RALGPS1: variants seen among roughly 807,000 people sequenced by gnomAD.
RALGPS1 encodes ras-specific guanine nucleotide-releasing factor RalGPS1.
RALGPS1 carries 19 observed loss-of-function variants against 78.8 expected under a neutral mutation model. The ratio of observed to expected loss-of-function variants is 0.24; its 90% confidence interval spans 0.17 to 0.35. The LOEUF is 0.35. Ranked by LOEUF, RALGPS1 falls within the 10% of genes least tolerant of loss-of-function variation. The pLI is 1.00. For synonymous variants in RALGPS1, 228 were observed against 256.3 expected (o/e 0.89, Z 1.06); for missense variants, 454 against 688.3 (o/e 0.66, Z 3.81).
At chr9:127,062,381 A>C (rs996703726) in intron 7 of RALGPS1, among the ~76,000 whole-genome samples, 3 of 152,228 alleles carry the variant, frequency 2.0e-5, no homozygotes, top group African/African-American at 4.8e-5. Context: ...TAGAGGTGTG[A>C]GCTGCCGCGC....
At chr9:127,090,133 T>C (rs1014240848) in intron 8 of RALGPS1, among the ~76,000 whole-genome samples, 1 of 152,194 alleles carries the variant, frequency 6.6e-6, no homozygotes, top group African/African-American at 2.4e-5. Flanking sequence ...GTGGCAGTGT[T>C]GGACTGGTAT....
chr9:126,998,782 C>T (rs531803439), intron 4 of RALGPS1, among the ~76,000 whole-genome samples: 276 of 151,782 alleles, frequency 1.8e-3, no homozygotes, highest in African/African-American at 6.1e-3. Flanking sequence ...TGTCCAACAA[C>T]GATAGACTGG....
At chr9:127,161,951 A>G (rs1410431037) in intron 8 of RALGPS1, among the ~76,000 whole-genome samples, 1 of 152,224 alleles carries the variant, frequency 6.6e-6, no homozygotes, top group Non-Finnish European at 1.5e-5. Context: ...TTTTCTTATG[A>G]ATCGATAATC....
intron 1 of RALGPS1, among the ~76,000 whole-genome samples, chr9:126,947,510 T>C (rs2037392300): frequency 6.6e-6 from 1 of 152,232 alleles, no homozygotes; most frequent in African/African-American, 2.4e-5. Flanking sequence ...GAAACACTTC[T>C]GGTCCCAAGC....
intron 4 of RALGPS1, chr9:126,990,244 G>A: frequency 4.0e-6 from 2 of 505,852 alleles, no homozygotes; most frequent in Non-Finnish European, 7.0e-6. Context: ...AGTTTTCTCA[G>A]ACCATCTCTC....
chr9:127,161,748 G>A (rs748725654), intron 8 of RALGPS1, among the ~76,000 whole-genome samples: 5 of 152,202 alleles, frequency 3.3e-5, no homozygotes, highest in Admixed American at 6.5e-5. Flanking sequence ...TGCCTCACTG[G>A]CTGCCATACA....
intron 8 of RALGPS1, among the ~76,000 whole-genome samples, chr9:127,133,058 C>T (rs139926035): frequency 2.0e-5 from 3 of 152,346 alleles, no homozygotes; most frequent in Non-Finnish European, 2.9e-5. Flanking sequence ...ATAGAGTTCT[C>T]GTGACCATTG....
At chr9:126,932,564 CAGTT>C (rs749552410) in intron 1 of RALGPS1, among the ~76,000 whole-genome samples, 6 of 152,068 alleles carry the variant, frequency 3.9e-5, no homozygotes, top group African/African-American at 1.2e-4. Context: ...ATACTGTAGT[CAGTT>C]AGAGTTAATG....
In RALGPS1 at chr9:126,914,812, C is replaced by T. The variant is rs1299899649; in HGVS notation, c.-229C>T. The T allele has an allele frequency of 2.0e-5, 3 of 152,254 alleles. No homozygotes were observed. 9.4% of individuals were successfully genotyped at this position (152,254 alleles called of 1,614,324 possible). A position where few individuals can be genotyped will look rare whatever the true frequency, so the allele number is the denominator to read the frequency against. Reference sequence around the variant, plus strand: ...CTGGAGCGGACGGTTCCTACTGCGGCTGGGCACCGGCTCCGCTCCCGCGTC... The same window carrying T: ...CTGGAGCGGACGGTTCCTACTGCGGTTGGGCACCGGCTCCGCTCCCGCGTC... On this transcript the variant is annotated 5_prime_UTR_variant, in exon 1 of 19. Coordinates refer to ENST00000259351, the MANE Select transcript of RALGPS1 (RefSeq NM_014636.3).
At chr9:126,945,790 T>C (rs1398421633) in intron 1 of RALGPS1, among the ~76,000 whole-genome samples, 1 of 152,226 alleles carries the variant, frequency 6.6e-6, no homozygotes, top group African/African-American at 2.4e-5. Flanking sequence ...CTGAATTCTT[T>C]CTGCAGTTCC....
At chr9:127,136,889 C>T (rs1429404161) in intron 8 of RALGPS1, among the ~76,000 whole-genome samples, 4 of 152,196 alleles carry the variant, frequency 2.6e-5, no homozygotes, top group East Asian at 1.9e-4. Flanking sequence ...TCTAGATTCT[C>T]ATCACCCCAG....
At chr9:127,099,877 T>G (rs2053546862) in intron 8 of RALGPS1, among the ~76,000 whole-genome samples, 1 of 152,236 alleles carries the variant, frequency 6.6e-6, no homozygotes, top group Non-Finnish European at 1.5e-5. Flanking sequence ...TCAGGCCGCT[T>G]TAGCCCTCAA....
chr9:127,087,669 A>G (rs1459432517), intron 8 of RALGPS1: 7 of 152,300 alleles, frequency 4.6e-5, no homozygotes, highest in Non-Finnish European at 7.3e-5. Flanking sequence ...GCAGTGCATC[A>G]ACCAAGGGGT....
At chr9:127,087,304 G>T (rs1451931637) in intron 8 of RALGPS1, 1 of 152,482 alleles carries the variant, frequency 6.6e-6, no homozygotes, top group African/African-American at 2.4e-5. Flanking sequence ...GAGGCCCCAG[G>T]AAGGCATTCT....
At chr9:127,161,541 G>A (rs2059019614) in intron 8 of RALGPS1, among the ~76,000 whole-genome samples, 1 of 152,214 alleles carries the variant, frequency 6.6e-6, no homozygotes, top group Non-Finnish European at 1.5e-5. Context: ...CCGCAGGACT[G>A]GGTGGGACAC....
At chr9:126,948,132 G>A (rs1197893293) in intron 1 of RALGPS1, among the ~76,000 whole-genome samples, 5 of 152,194 alleles carry the variant, frequency 3.3e-5, no homozygotes, top group African/African-American at 1.2e-4. Context: ...GGACTAGGTA[G>A]GGGCTTTGGG....
At chr9:127,125,297 C>T (rs182506359) in intron 8 of RALGPS1, among the ~76,000 whole-genome samples, 136 of 152,288 alleles carry the variant, frequency 8.9e-4, no homozygotes, top group Admixed American at 1.8e-3. Context: ...TGTGTGCGGG[C>T]CATGTAGCGC....
chr9:127,116,813 A>T (rs771293840), intron 8 of RALGPS1, among the ~76,000 whole-genome samples: 1 of 152,176 alleles, frequency 6.6e-6, no homozygotes, highest in Non-Finnish European at 1.5e-5. Flanking sequence ...AGGGGCTATG[A>T]CTATCCTCAT....
intron 8 of RALGPS1, among the ~76,000 whole-genome samples, chr9:127,139,518 C>T (rs777489643): frequency 6.6e-6 from 1 of 152,234 alleles, no homozygotes; most frequent in Non-Finnish European, 1.5e-5. Flanking sequence ...CATGACCCAG[C>T]GCTTGGAGCG....
Sources: gnomAD v4.1 joint callset for allele counts (sites outside exome capture counted in the v4.1 genomes callset) on GRCh38, gnomAD v4.1.1 for gene constraint, MANE v1.5 for transcripts, NCBI Gene and HGNC (gene_info 2026-07-23, HGNC 2026-07-21) for gene names.